The following CDON variants were observed in gnomAD, a reference collection of about 807,000 sequenced individuals.
The protein encoded by CDON is cell adhesion associated, oncogene regulated.
CDON carries 73 observed loss-of-function variants against 120.9 expected under a neutral mutation model. That is an observed-to-expected ratio of 0.60 (90% confidence interval 0.50 to 0.73). The LOEUF is 0.73. Ranked by LOEUF, CDON falls within the 30% of genes least tolerant of loss-of-function variation. The pLI is 0.00. For missense variants in CDON, 1,470 were observed against 1,587.3 expected (o/e 0.93, Z 1.26); for synonymous variants, 566 against 573.5 (o/e 0.99, Z 0.19).
intron 7 of CDON, chr11:126,010,986 C>T (rs1947287679): frequency 2.1e-6 from 1 of 474,618 alleles, no homozygotes; most frequent in African/African-American, 2.0e-5. Flanking sequence ...CTACACATAT[C>T]TGACCACTGC....
intron 1 of CDON, among the ~76,000 whole-genome samples, chr11:126,056,008 C>A (rs1948672647): frequency 6.6e-6 from 1 of 152,164 alleles, no homozygotes; most frequent in South Asian, 2.1e-4. Context: ...CCTCCAAAAT[C>A]ATGTACGTGG....
intron 7 of CDON, among the ~76,000 whole-genome samples, chr11:126,012,025 G>C (rs890582435): frequency 3.3e-5 from 5 of 152,060 alleles, no homozygotes; most frequent in Non-Finnish European, 7.4e-5. Context: ...TCTCTATCTT[G>C]TTCCAAGAGT....
chr11:126,041,548 C>T (rs550371712), intron 1 of CDON, among the ~76,000 whole-genome samples: 9 of 152,162 alleles, frequency 5.9e-5, no homozygotes, highest in Non-Finnish European at 1.2e-4. Context: ...GTCAAAATCA[C>T]GTAATAGCAA....
intron 1 of CDON, among the ~76,000 whole-genome samples, chr11:126,054,449 T>C (rs1358893360): frequency 6.6e-6 from 1 of 152,190 alleles, no homozygotes; most frequent in African/African-American, 2.4e-5. Context: ...TATGTAACTG[T>C]TTTTTTCTTT....
intron 1 of CDON, among the ~76,000 whole-genome samples, chr11:126,025,283 C>T (rs1357882205): frequency 2.0e-5 from 3 of 151,876 alleles, no homozygotes; most frequent in Non-Finnish European, 4.4e-5. Context: ...TCTCAAACAT[C>T]GATGAGAAGC....
At chr11:126,030,299 C>T (rs1437489325) in intron 1 of CDON, among the ~76,000 whole-genome samples, 6 of 152,160 alleles carry the variant, frequency 3.9e-5, no homozygotes, top group African/African-American at 1.2e-4. Context: ...CAGAATAATC[C>T]TTTGGGAAAA....
At position 126,058,665 on chromosome 11, in the gene CDON, T is replaced by C. The variant is rs78057918; in HGVS notation, c.-62+3914A>G. ...CTGCATTAGCTGAAAACCAGGAGCA[T>C]TGGAATTCACATTCTTGGTAGATGA... On this transcript the variant is annotated intron_variant, in intron 1 of 19. Transcript: ENST00000531738. Among the ~76,000 whole-genome samples the C allele has an allele frequency of 1.1e-4, 17 of 152,324 alleles. No homozygotes were observed. The East Asian group carries it at 1.9e-3, about 17-fold the overall frequency.
chr11:126,052,605 T>C (rs1948590184), intron 1 of CDON, among the ~76,000 whole-genome samples: 1 of 152,158 alleles, frequency 6.6e-6, no homozygotes, highest in Non-Finnish European at 1.5e-5. Context: ...GGTGGATCAC[T>C]TGAGGTCAAG....
chr11:125,997,876 C>T (rs1435064059), intron 11 of CDON, among the ~76,000 whole-genome samples: 2 of 152,192 alleles, frequency 1.3e-5, no homozygotes, highest in Non-Finnish European at 2.9e-5. Flanking sequence ...TATCTTAATA[C>T]ACCTCAAGGC....
At chr11:126,032,331 G>A (rs1321277814) in intron 1 of CDON, among the ~76,000 whole-genome samples, 1 of 151,916 alleles carries the variant, frequency 6.6e-6, no homozygotes, top group African/African-American at 2.4e-5. Flanking sequence ...AAGGAAGGAA[G>A]TATCTCAAGC....
chr11:126,044,198 G>A (rs1948341273), intron 1 of CDON, among the ~76,000 whole-genome samples: 1 of 152,130 alleles, frequency 6.6e-6, no homozygotes, highest in African/African-American at 2.4e-5. Context: ...ATGTTAATAT[G>A]GTTCATCAAC....
In CDON at chr11:126,005,873, G is replaced by A; in HGVS notation, c.1737C>T (p.Ala579=). 3 of 1,613,952 alleles carry A rather than the reference G, an allele frequency of 1.9e-6. No homozygotes were observed. Among genetic ancestry groups the A allele is most frequent in the Non-Finnish European group, 2.5e-6 (3 of 1,179,960 alleles). The stretch of plus-strand genomic sequence containing the variant: ...TCTGTGGGGGGCTCAGTATGATGGG[G>A]GCATCAGGAACAGAGATGCCGCTGG... ...KNASGISVPD[A]PIILSPPQTH... The change falls in exon 9 of 20, where the codon GCC becomes GCT. Residue 579 remains alanine (A), a synonymous_variant. Coordinates refer to ENST00000531738, the MANE Select transcript of CDON (RefSeq NM_001378964.1).
intron 6 of CDON, 30 bp from the exon 7 acceptor site, chr11:126,015,540 A>G: frequency 6.2e-7 from 1 of 1,609,924 alleles, no homozygotes; most frequent in Non-Finnish European, 8.5e-7. Flanking sequence ...ATTAAACTCT[A>G]GCCCTCAAAA....
At chr11:126,062,503 A>G (rs1948826695) in intron 1 of CDON, 76 bp downstream of exon 1, 1 of 152,280 alleles carries the variant, frequency 6.6e-6, no homozygotes, top group South Asian at 2.1e-4. Flanking sequence ...CCGTCCCCTA[A>G]GCCAAGGCCC....
intron 19 of CDON, 108 bp downstream of exon 19, chr11:125,961,616 T>C (rs1281929637): frequency 9.5e-6 from 14 of 1,480,760 alleles, no homozygotes; most frequent in Non-Finnish European, 1.3e-5. Context: ...CCAAGAAATA[T>C]GTAAACTAAT....
chr11:126,014,474 C>T (rs1255330570), intron 7 of CDON, among the ~76,000 whole-genome samples: 2 of 152,130 alleles, frequency 1.3e-5, no homozygotes, highest in African/African-American at 4.8e-5. Context: ...TGGGAGTGTA[C>T]ACTGATAACG....
chr11:125,970,222 T>C (rs1306779083), intron 18 of CDON, among the ~76,000 whole-genome samples: 2 of 146,834 alleles, frequency 1.4e-5, no homozygotes, highest in Non-Finnish European at 3.0e-5. Context: ...GTCGCCAGGC[T>C]GGAGTGCAGT....
chr11:125,975,677 G>A (rs902209818), intron 18 of CDON, among the ~76,000 whole-genome samples: 4 of 152,158 alleles, frequency 2.6e-5, no homozygotes, highest in Non-Finnish European at 5.9e-5. Context: ...CCTGCTGAAT[G>A]GGAAACTCTG....
intron 1 of CDON, among the ~76,000 whole-genome samples, chr11:126,053,090 A>G (rs759006007): frequency 7.2e-5 from 11 of 152,226 alleles, no homozygotes; most frequent in Non-Finnish European, 1.2e-4. Context: ...TTCACCCACC[A>G]GAACCAACTC....
Sources: allele counts gnomAD v4.1 joint callset (sites outside exome capture counted in the v4.1 genomes callset), GRCh38; gene constraint gnomAD v4.1.1; transcripts MANE v1.5; gene names NCBI Gene and HGNC (gene_info 2026-07-23, HGNC 2026-07-21).